The following LIMS2 variants were observed in gnomAD, a reference collection of about 807,000 sequenced individuals.
LIMS2 encodes LIM and senescent cell antigen-like-containing domain protein 2.
In LIMS2, 30 loss-of-function variants were observed where a neutral mutation model predicts 45.3. The observed-to-expected ratio is 0.66, with a 90% CI of 0.50 to 0.90. The LOEUF (loss-of-function observed/expected upper bound fraction) is 0.90. Among genes scored for constraint, LIMS2 ranks in the 40% least tolerant of loss-of-function variants. The pLI is 0.00. For synonymous variants in LIMS2, 173 were observed against 188.0 expected, an observed-to-expected ratio of 0.92 and a Z score of 0.65; for missense variants, 485 against 468.7, an observed-to-expected ratio of 1.03 and a Z score of -0.32.
Position 127,675,097 on chromosome 2 carries a change from G to C in LIMS2, c.-73C>G, listed in dbSNP as rs1431587469. On this transcript the variant is annotated 5_prime_UTR_variant, in exon 1 of 10. Transcript: ENST00000355119. ...CCCTCTGCTGCTGCAGCCGCCAGCCGAGCGCCCGCCCGCCAGCCCGGGCCG... is the reference window on the plus strand; with the variant it reads ...CCCTCTGCTGCTGCAGCCGCCAGCCCAGCGCCCGCCCGCCAGCCCGGGCCG... The C allele has an allele frequency of 5.8e-6, 7 of 1,215,474 alleles. No homozygotes were observed. The highest frequency in any genetic ancestry group is 3.0e-4 in the Middle Eastern group (1 of 3,346). The allele number at this position is 1,215,474 out of a possible 1,614,324, so 75.3% of individuals were successfully genotyped here. A position where few individuals can be genotyped will look rare whatever the true frequency, so the allele number is the denominator to read the frequency against.
At chr2:127,658,601 C>A (rs1684416592) in intron 1 of LIMS2, among the ~76,000 whole-genome samples, 1 of 152,154 alleles carries the variant, frequency 6.6e-6, no homozygotes, top group Admixed American at 6.5e-5. Flanking sequence ...TCGGCACAGC[C>A]AGGAGGGGCC....
intron 6 of LIMS2, 88 bp downstream of exon 6, chr2:127,641,961 G>A: frequency 2.8e-6 from 4 of 1,440,864 alleles, no homozygotes; most frequent in South Asian, 1.3e-5. Flanking sequence ...CCTGGGCTGG[G>A]AGTGTGGAGG....
intron 2 of LIMS2, among the ~76,000 whole-genome samples, chr2:127,656,667 C>G (rs774521383): frequency 6.6e-6 from 1 of 152,100 alleles, no homozygotes; most frequent in Non-Finnish European, 1.5e-5. Flanking sequence ...CATCTGCCTC[C>G]GCCTCCCAAA....
chr2:127,643,565 A>G (rs762650812), intron 4 of LIMS2: 91 of 456,558 alleles, frequency 2.0e-4, no homozygotes, highest in Non-Finnish European at 3.7e-4. Context: ...CTCCAAAGAC[A>G]AGCACTGCTA....
intron 4 of LIMS2, among the ~76,000 whole-genome samples, chr2:127,644,854 A>G (rs937499332): frequency 4.6e-5 from 7 of 152,168 alleles, no homozygotes; most frequent in Admixed American, 2.0e-4. Context: ...CACAACAGGA[A>G]AGAGACCTGC....
rs1354301274 is a variant in LIMS2 at position 127,653,297 on chromosome 2, C to A, written c.359+1127G>T. ...AAGCATGGCTGGGGCCTCTGGGGGT[C>A]GGCGCTGCCTCTCACTGATACAGGG... On this transcript the variant is annotated intron_variant, in intron 4 of 9. Transcript: ENST00000355119. This position sits in a 1 kb window ranked among gnomAD's most constrained non-coding sequence, Gnocchi z 5.3. Among the ~76,000 whole-genome samples the A allele has an allele frequency of 6.6e-6, 1 of 152,138 alleles. No individual in the cohort carries two copies. The highest frequency in any genetic ancestry group is 2.4e-5 in the African/African-American group (1 of 41,426).
Position 127,664,346 on chromosome 2 carries a change from G to C in LIMS2, c.12-6784C>G, listed in dbSNP as rs915832032. 4.1e-6 allele frequency: 5 copies of C among 1,224,242 alleles called. No homozygotes were observed. The highest frequency in any genetic ancestry group is 4.1e-6 in the Non-Finnish European group (4 of 983,304). The allele number at this position is 1,224,242 out of a possible 1,614,324, so 75.8% of individuals were successfully genotyped here. On this transcript the variant is annotated intron_variant, in intron 1 of 9. Coordinates refer to ENST00000355119, the MANE Select transcript of LIMS2 (RefSeq NM_001161403.3). The surrounding 1 kb of genome is among the most constrained non-coding windows in gnomAD (Gnocchi z 5.5). ...GGGCTCTGCCGGTGCTGGCGCCGCC[G>C]GTACAGCCCCGACGCGGCCAGCGCA... is the stretch of plus-strand genomic sequence containing the variant.
chr2:127,658,605 A>AG (rs1022232557), intron 1 of LIMS2, among the ~76,000 whole-genome samples: 110 of 152,258 alleles, frequency 7.2e-4, no homozygotes, highest in African/African-American at 2.5e-3. Flanking sequence ...CACAGCCAGG[A>AG]GGGGCCTTTT....
chr2:127,644,061 CCCAGGACCTGCTACTG>C, intron 4 of LIMS2: 1 of 456,510 alleles, frequency 2.2e-6, no homozygotes, highest in Non-Finnish European at 4.4e-6. Flanking sequence ...CTCCCTGGAC[CCCAGGACCTGCTACTG>C]CTGGGTGTCT....
In LIMS2 at chr2:127,647,585, G is replaced by A. The variant is rs1169465775; in HGVS notation, c.360-4513C>T. Among the ~76,000 whole-genome samples the A allele has an allele frequency of 6.6e-6, 1 of 152,104 alleles. No homozygotes were observed. Among genetic ancestry groups the A allele is most frequent in the Non-Finnish European group, 1.5e-5 (1 of 67,990 alleles). Reference sequence around the variant, plus strand: ...GCACAGGCCTGAGGGACAGCCTGGGGTGGAGGGCACCCACCTTGGCCCCTT... The same window carrying A: ...GCACAGGCCTGAGGGACAGCCTGGGATGGAGGGCACCCACCTTGGCCCCTT... On this transcript the variant is annotated intron_variant, in intron 4 of 9. Coordinates refer to ENST00000355119, the MANE Select transcript of LIMS2 (RefSeq NM_001161403.3). The surrounding 1 kb of genome is among the most constrained non-coding windows in gnomAD (Gnocchi z 4.3).
At position 127,647,968 on chromosome 2, in the gene LIMS2, C is replaced by T. The variant is rs1458370203; in HGVS notation, c.360-4896G>A. On this transcript the variant is annotated intron_variant, in intron 4 of 9. Transcript: ENST00000355119. The surrounding 1 kb of genome is among the most constrained non-coding windows in gnomAD (Gnocchi z 4.3). ...TCCTTTTACCTCTCCTCCACAGCCCCCTTCACAGCCCTCAGCCCTTCCCCA... is the reference window on the plus strand; with the variant it reads ...TCCTTTTACCTCTCCTCCACAGCCCTCTTCACAGCCCTCAGCCCTTCCCCA... 4.2e-6 allele frequency: 4 copies of T among 960,622 alleles called. No homozygotes were observed. Among genetic ancestry groups the T allele is most frequent in the Non-Finnish European group, 5.0e-6 (4 of 807,330 alleles). The allele number at this position is 960,622 out of a possible 1,614,324, so 59.5% of individuals were successfully genotyped here. A position where few individuals can be genotyped will look rare whatever the true frequency, so the allele number is the denominator to read the frequency against.
Position 127,664,636 on chromosome 2 carries a change from CG to C in LIMS2, c.12-7075del. The stretch of plus-strand genomic sequence containing the variant: ...GGCAGCTCCTGAAAGCTGAGGCTGG[CG>C]GGGGTTGGGTCCCGCTGGGAGGGGA... On this transcript the variant is annotated intron_variant, in intron 1 of 9. Transcript: ENST00000355119. The surrounding 1 kb of genome is among the most constrained non-coding windows in gnomAD (Gnocchi z 5.5). 3 of 1,095,806 alleles carry C rather than the reference CG, an allele frequency of 2.7e-6. No individual in the cohort carries two copies. The highest frequency in any genetic ancestry group is 3.3e-6 in the Non-Finnish European group (3 of 901,910). The allele number at this position is 1,095,806 out of a possible 1,614,324, so 67.9% of individuals were successfully genotyped here.
chr2:127,669,559 CA>C lies in LIMS2; in HGVS notation c.11+5454del, dbSNP rs896556514. 5.2e-3 allele frequency among the ~76,000 whole-genome samples: 771 copies of C among 146,910 alleles called. 3 individuals are homozygous for C. Among genetic ancestry groups the C allele is most frequent in the African/African-American group, 0.018 (722 of 40,172 alleles). ...TGAAACCCCATCTCTACTAAAAATA[CA>C]AAAAAAAAATAGCCAGGCATGGTGG... On this transcript the variant is annotated intron_variant, in intron 1 of 9. Coordinates refer to ENST00000355119, the MANE Select transcript of LIMS2 (RefSeq NM_001161403.3).
chr2:127,650,907 C>G, intron 4 of LIMS2: 5 of 1,614,052 alleles, frequency 3.1e-6, no homozygotes, highest in Non-Finnish European at 4.2e-6. Flanking sequence ...GCTTTTCATC[C>G]GAGACCACAA....
chr2:127,660,799 C>A (rs921874658), intron 1 of LIMS2, among the ~76,000 whole-genome samples: 1 of 152,208 alleles, frequency 6.6e-6, no homozygotes, highest in Non-Finnish European at 1.5e-5. Context: ...CTCTACCTTC[C>A]GGCTCATCTT....
In LIMS2 at chr2:127,639,558, C is replaced by A. The variant is rs1335149982; in HGVS notation, c.879-130G>T. 8 of 1,133,312 alleles carry A rather than the reference C, an allele frequency of 7.1e-6. No individual in the cohort carries two copies. The Middle Eastern group carries it at 6.3e-4, about 89-fold the overall frequency. 70.2% of individuals were successfully genotyped at this position (1,133,312 alleles called of 1,614,324 possible). A position where few individuals can be genotyped will look rare whatever the true frequency, so the allele number is the denominator to read the frequency against. ...AGCCTCTCCTAGCCAGCAGGCCAGGCCCTAGGGTGAGATGGCCAGAGAGCA... is the reference window on the plus strand; with the variant it reads ...AGCCTCTCCTAGCCAGCAGGCCAGGACCTAGGGTGAGATGGCCAGAGAGCA... On this transcript the variant is annotated intron_variant, in intron 9 of 9. Coordinates refer to ENST00000355119, the MANE Select transcript of LIMS2 (RefSeq NM_001161403.3).
chr2:127,664,602 C>G lies in LIMS2; in HGVS notation c.12-7040G>C, dbSNP rs1684902217. 1 of 1,122,250 alleles carries G rather than the reference C, an allele frequency of 8.9e-7. No homozygotes were observed. The highest frequency in any genetic ancestry group is 1.6e-5 in the African/African-American group (1 of 60,654). The allele number at this position is 1,122,250 out of a possible 1,614,324, so 69.5% of individuals were successfully genotyped here. A position where few individuals can be genotyped will look rare whatever the true frequency, so the allele number is the denominator to read the frequency against. On this transcript the variant is annotated intron_variant, in intron 1 of 9. Transcript: ENST00000355119. The surrounding 1 kb of genome is among the most constrained non-coding windows in gnomAD (Gnocchi z 5.5). The stretch of plus-strand genomic sequence containing the variant: ...CTCCAAATAGAAAGGATATTGTTCG[C>G]GCCGCGGGGGCAGCTCCTGAAAGCT...
At chr2:127,651,132 A>G (rs1683726286) in intron 4 of LIMS2, 2 of 1,613,280 alleles carry the variant, frequency 1.2e-6, no homozygotes, top group Non-Finnish European at 1.7e-6. Flanking sequence ...TTTCCTGGCC[A>G]TTGTGCACCC....
rs1384146110 is a variant in LIMS2 at position 127,667,582 on chromosome 2, G to T, written c.11+7432C>A. ...TAATATACCATATCAATAGAATATA[G>T]GGAGGACACTCTATGACCATCTCAA... On this transcript the variant is annotated intron_variant, in intron 1 of 9. Transcript: ENST00000355119. This position sits in a 1 kb window ranked among gnomAD's most constrained non-coding sequence, Gnocchi z 4.1. Among the ~76,000 whole-genome samples, 1 of 152,204 alleles carries T rather than the reference G, an allele frequency of 6.6e-6. No homozygotes were observed. The highest frequency in any genetic ancestry group is 1.5e-5 in the Non-Finnish European group (1 of 68,042).
Sources: gnomAD v4.1 joint callset for allele counts (sites outside exome capture counted in the v4.1 genomes callset) on GRCh38, gnomAD v4.1.1 for gene constraint, Gnocchi (gnomAD v3.1) non-coding constraint, MANE v1.5 for transcripts, NCBI Gene and HGNC (gene_info 2026-07-23, HGNC 2026-07-21) for gene names.